Variants in ACMSD observed in about 807,000 individuals in gnomAD.
ACMSD encodes the protein 2-amino-3-carboxymuconate-6-semialdehyde decarboxylase.
Under a neutral mutation model 45.9 loss-of-function variants are expected in ACMSD, and 37 were observed. That is an observed-to-expected ratio of 0.81 (90% confidence interval 0.62 to 1.06). ACMSD has a LOEUF of 1.06. Among genes scored for constraint, ACMSD ranks in the 50% least tolerant of loss-of-function variants. ACMSD has a pLI of 0.00. For missense variants in ACMSD, 434 were observed against 420.9 expected, an observed-to-expected ratio of 1.03 and a Z score of -0.27; for synonymous variants, 138 against 148.8, an observed-to-expected ratio of 0.93 and a Z score of 0.53.
At chr2:134,864,663 C>T (rs888379290) in intron 5 of ACMSD, among the ~76,000 whole-genome samples, 1 of 151,940 alleles carries the variant, frequency 6.6e-6, no homozygotes, top group Non-Finnish European at 1.5e-5. Context: ...CTTTAAAATA[C>T]CTAATAAAAA....
chr2:134,900,948 A>C (rs565430335), intron 9 of ACMSD, among the ~76,000 whole-genome samples: 1 of 152,324 alleles, frequency 6.6e-6, no homozygotes, highest in South Asian at 2.1e-4. Context: ...GGTAAAGTAC[A>C]TGGTTCCTCC....
At chr2:134,890,271 G>A (rs774520580) in intron 8 of ACMSD, among the ~76,000 whole-genome samples, 6 of 151,986 alleles carry the variant, frequency 3.9e-5, no homozygotes, top group Admixed American at 6.6e-5. Flanking sequence ...ATATCACTTC[G>A]GTAGTATTCC....
At chr2:134,901,204 G>A (rs1006069932) in intron 9 of ACMSD, among the ~76,000 whole-genome samples, 1 of 152,138 alleles carries the variant, frequency 6.6e-6, no homozygotes, top group African/African-American at 2.4e-5. Context: ...ATCAGTTAGG[G>A]TATCACAAAG....
chr2:134,848,784 T>G (rs1687199237), intron 2 of ACMSD, among the ~76,000 whole-genome samples: 1 of 152,230 alleles, frequency 6.6e-6, no homozygotes, highest in Non-Finnish European at 1.5e-5. Flanking sequence ...CATTTGTCAA[T>G]TTTGGCTTTT....
At chr2:134,876,426 A>AT (rs940618017) in intron 8 of ACMSD, among the ~76,000 whole-genome samples, 1 of 151,458 alleles carries the variant, frequency 6.6e-6, no homozygotes, top group Admixed American at 6.6e-5. Context: ...ATTAAAGAGA[A>AT]TTTTTTTTTG....
chr2:134,897,296 T>C (rs1690213321), intron 8 of ACMSD, among the ~76,000 whole-genome samples: 1 of 152,178 alleles, frequency 6.6e-6, no homozygotes, highest in Non-Finnish European at 1.5e-5. Flanking sequence ...AGGTACCTTA[T>C]TGAAAACAGA....
chr2:134,867,811 C>T, intron 6 of ACMSD, 139 bp downstream of exon 6: 1 of 574,120 alleles, frequency 1.7e-6, no homozygotes, highest in Non-Finnish European at 3.1e-6. Flanking sequence ...ACTTACTGAG[C>T]TCTTACTTGG....
rs1357177562 is a variant in ACMSD, at chr2:134,892,499, A to AAATAAATC, written c.850-5839_850-5838insAAATCAAT. Among the ~76,000 whole-genome samples, 9 of 137,146 alleles carry AAATAAATC rather than the reference A, an allele frequency of 6.6e-5. 1 individual carries two copies. In the South Asian group the frequency reaches 9.9e-4, roughly 15 times the overall value. The allele number at this position is 137,146 out of a possible 152,430, so 90.0% of individuals were successfully genotyped here. A position where few individuals can be genotyped will look rare whatever the true frequency, so the allele number is the denominator to read the frequency against. On this transcript the variant is annotated intron_variant, in intron 8 of 9. Transcript: ENST00000356140. ...TAAATAAATAAATAAATAAATAAAT[A>AAATAAATC]AATCCCTGTGGACAGGAGCTGAGAC... is the stretch of plus-strand genomic sequence containing the variant.
At chr2:134,888,798 T>A (rs570402113) in intron 8 of ACMSD, among the ~76,000 whole-genome samples, 1 of 152,142 alleles carries the variant, frequency 6.6e-6, no homozygotes, top group East Asian at 1.9e-4. Flanking sequence ...GCAAAACTAG[T>A]CTACGGTGAA....
At chr2:134,876,121 G>T (rs1368170384) in intron 8 of ACMSD, among the ~76,000 whole-genome samples, 1 of 152,182 alleles carries the variant, frequency 6.6e-6, no homozygotes, top group African/African-American at 2.4e-5. Flanking sequence ...AATGGAGCTT[G>T]CAGGACTGGA....
intron 3 of ACMSD, 136 bp from the exon 4 acceptor site, chr2:134,861,833 A>G (rs771806118): frequency 1.2e-6 from 1 of 857,412 alleles, no homozygotes; most frequent in Non-Finnish European, 2.0e-6. Context: ...GTCCAGGGAG[A>G]GGACTGAGAG....
In ACMSD at chr2:134,901,867, T is replaced by A. The variant is rs1188481139; in HGVS notation, c.*7T>A. Reference sequence around the variant, plus strand: ...GAGAAAACAATTTGAATGACTGAATTTACTACAAAGGCAAACTTTCAAAAG... The same window carrying A: ...GAGAAAACAATTTGAATGACTGAATATACTACAAAGGCAAACTTTCAAAAG... On this transcript the variant is annotated 3_prime_UTR_variant, in exon 10 of 10. Transcript: ENST00000356140. 3 of 1,594,970 alleles carry A rather than the reference T, an allele frequency of 1.9e-6. No homozygotes were observed. The highest frequency in any genetic ancestry group is 2.6e-6 in the Non-Finnish European group (3 of 1,167,184).
chr2:134,857,546 G>A (rs866307970), intron 2 of ACMSD, among the ~76,000 whole-genome samples: 6 of 151,998 alleles, frequency 3.9e-5, no homozygotes, highest in Non-Finnish European at 8.8e-5. Flanking sequence ...ATTCTGCAAC[G>A]TTACCCAATT....
chr2:134,882,507 G>A (rs1689096566), intron 8 of ACMSD, among the ~76,000 whole-genome samples: 1 of 152,164 alleles, frequency 6.6e-6, no homozygotes, highest in African/African-American at 2.4e-5. Context: ...ACCTACTCCA[G>A]CACTTTACAA....
chr2:134,898,510 C>T lies in ACMSD; in HGVS notation c.948+71C>T, dbSNP rs540278754. On this transcript the variant is annotated intron_variant, in intron 9 of 9. Transcript: ENST00000356140. ...TCTAATTGGGTTTGGTTTCAGAGCA[C>T]TTTGATATATAAAAACAAAGAACAG... The T allele has an allele frequency of 6.3e-5, 63 of 998,746 alleles. 1 individual carries two copies. The African/African-American group carries it at 9.1e-4, about 14-fold the overall frequency. 61.9% of individuals were successfully genotyped at this position (998,746 alleles called of 1,614,324 possible). A position where few individuals can be genotyped will look rare whatever the true frequency, so the allele number is the denominator to read the frequency against.
intron 8 of ACMSD, among the ~76,000 whole-genome samples, chr2:134,881,541 T>A (rs1263023869): frequency 1.3e-5 from 2 of 152,168 alleles, no homozygotes; most frequent in Non-Finnish European, 2.9e-5. Flanking sequence ...TACCTCTACA[T>A]CTTTCATATT....
At chr2:134,871,958 CTCT>C (rs955720754) in intron 7 of ACMSD, among the ~76,000 whole-genome samples, 72 of 101,510 alleles carry the variant, frequency 7.1e-4, no homozygotes, top group Non-Finnish European at 2.0e-4. Flanking sequence ...CTTGCCTTCA[CTCT>C]TTTTTTTTTT....
At chr2:134,839,251 G>A (rs1415296351) in intron 1 of ACMSD, among the ~76,000 whole-genome samples, 1 of 152,078 alleles carries the variant, frequency 6.6e-6, no homozygotes, top group African/African-American at 2.4e-5. Flanking sequence ...TTTACTGTTT[G>A]ATGTTCTTTA....
intron 9 of ACMSD, among the ~76,000 whole-genome samples, chr2:134,900,720 A>AG (rs1026227734): frequency 1.3e-5 from 2 of 152,150 alleles, no homozygotes; most frequent in Admixed American, 6.6e-5. Context: ...TTCATAGATA[A>AG]GGGGGGACTG....
Sources: gnomAD v4.1 joint callset for allele counts (sites outside exome capture counted in the v4.1 genomes callset) on GRCh38, gnomAD v4.1.1 for gene constraint, MANE v1.5 for transcripts, NCBI Gene and HGNC (gene_info 2026-07-23, HGNC 2026-07-21) for gene names.